The following LARGE1 variants were observed in gnomAD, a reference collection of about 807,000 sequenced individuals.
LARGE1 encodes xylosyl- and glucuronyltransferase LARGE1.
LARGE1 carries 43 observed loss-of-function variants against 87.6 expected under a neutral mutation model. The ratio of observed to expected loss-of-function variants is 0.49; its 90% CI spans 0.38 to 0.63. The LOEUF (loss-of-function observed/expected upper bound fraction) is 0.63. Among genes scored for constraint, LARGE1 ranks in the 30% least tolerant of loss-of-function variants. LARGE1 has a pLI of 0.00. For missense variants in LARGE1, 802 were observed against 1,000.2 expected (o/e 0.80, Z 2.67); for synonymous variants, 434 against 394.6 (o/e 1.10, Z -1.18).
At chr22:33,806,223 T>C (rs533597745) in intron 1 of LARGE1, among the ~76,000 whole-genome samples, 2 of 152,344 alleles carry the variant, frequency 1.3e-5, no homozygotes, top group East Asian at 3.9e-4. Context: ...CTTCTTTCTC[T>C]GCCCTTTGCT....
intron 2 of LARGE1, among the ~76,000 whole-genome samples, chr22:33,719,671 C>T (rs1198730123): frequency 6.6e-6 from 1 of 152,072 alleles, no homozygotes; most frequent in Admixed American, 6.6e-5. Flanking sequence ...CAGGTGCCCA[C>T]CACAACGCCT....
At chr22:33,823,260 C>G (rs895448540) in intron 1 of LARGE1, among the ~76,000 whole-genome samples, 3 of 152,122 alleles carry the variant, frequency 2.0e-5, no homozygotes, top group African/African-American at 4.8e-5. Flanking sequence ...GGCTGTGTGT[C>G]TGTGTGTGTG....
chr22:33,351,383 G>A (rs1353621391), intron 9 of LARGE1, among the ~76,000 whole-genome samples: 8 of 152,184 alleles, frequency 5.3e-5, no homozygotes, highest in African/African-American at 1.9e-4. Flanking sequence ...GGGTTTAAAT[G>A]AATCTGGCAA....
the LARGE1 span, among the ~76,000 whole-genome samples, chr22:33,118,161 G>A: frequency 6.6e-6 from 1 of 152,086 alleles, no homozygotes; most frequent in Non-Finnish European, 1.5e-5. Context: ...TGTTTCTCAG[G>A]AGGAGGCAGT....
At chr22:33,468,570 A>AG (rs2068707724) in intron 6 of LARGE1, among the ~76,000 whole-genome samples, 1 of 152,222 alleles carries the variant, frequency 6.6e-6, no homozygotes, top group Non-Finnish European at 1.5e-5. Context: ...GGCAAAAAGG[A>AG]GGACACAAAA....
intron 3 of LARGE1, among the ~76,000 whole-genome samples, chr22:33,642,367 T>G (rs764480996): frequency 4.3e-4 from 65 of 152,252 alleles, no homozygotes; most frequent in Non-Finnish European, 7.8e-4. Context: ...GCCTGCCTTA[T>G]AAGAGCTTCT....
chr22:33,489,518 G>T (rs113709248), intron 6 of LARGE1, among the ~76,000 whole-genome samples: 3,013 of 152,200 alleles, frequency 0.02, 75 homozygotes, highest in African/African-American at 0.059. Flanking sequence ...CATGGAGGTG[G>T]TTTCCCCCAT....
intron 1 of LARGE1, among the ~76,000 whole-genome samples, chr22:33,837,071 C>T (rs1476267666): frequency 1.3e-5 from 2 of 152,124 alleles, no homozygotes; most frequent in African/African-American, 4.8e-5. Context: ...GTGAGCTTCG[C>T]CTCCAGCTAA....
intron 14 of LARGE1, among the ~76,000 whole-genome samples, chr22:33,275,713 GA>G (rs1231952772): frequency 4.6e-5 from 7 of 151,610 alleles, no homozygotes; most frequent in Admixed American, 3.3e-4. Flanking sequence ...TATTCGCAAA[GA>G]AAAAAAAGAA....
At chr22:33,898,894 G>A (rs1021637802) in intron 1 of LARGE1, among the ~76,000 whole-genome samples, 2 of 152,196 alleles carry the variant, frequency 1.3e-5, no homozygotes, top group Non-Finnish European at 2.9e-5. Flanking sequence ...TCCCTGAGAT[G>A]TTGTTTTCCA....
chr22:33,847,619 C>G (rs532460275), intron 1 of LARGE1, among the ~76,000 whole-genome samples: 34 of 152,292 alleles, frequency 2.2e-4, no homozygotes, highest in African/African-American at 8.2e-4. Flanking sequence ...CCCATTAAAT[C>G]CAGTCCACTT....
the LARGE1 span, among the ~76,000 whole-genome samples, chr22:33,097,516 A>G: frequency 6.6e-6 from 1 of 152,244 alleles, no homozygotes; most frequent in Non-Finnish European, 1.5e-5. Context: ...AGCAGAAGAG[A>G]CAATCAAGTT....
the LARGE1 span, among the ~76,000 whole-genome samples, chr22:33,151,141 T>C: frequency 6.6e-6 from 1 of 152,198 alleles, no homozygotes; most frequent in Non-Finnish European, 1.5e-5. Flanking sequence ...GAGCATTATG[T>C]AGTTTTTAGC....
At position 33,433,569 on chromosome 22, in the gene LARGE1, C is replaced by T. The variant is rs375625241; in HGVS notation, c.788-1304G>A. ...CGAGATCGCACCACTGCACTCCAGTCTGGGTGAGAGAGCAAGACTCCGTCT... is the reference window on the plus strand; with the variant it reads ...CGAGATCGCACCACTGCACTCCAGTTTGGGTGAGAGAGCAAGACTCCGTCT... On this transcript the variant is annotated intron_variant, in intron 6 of 14. Transcript: ENST00000397394. Among the ~76,000 whole-genome samples the T allele has an allele frequency of 1.4e-4, 18 of 124,974 alleles. 1 individual carries two copies. In the South Asian group the frequency reaches 1.6e-3, roughly 11 times the overall value. 82.0% of individuals were successfully genotyped at this position (124,974 alleles called of 152,430 possible). A position where few individuals can be genotyped will look rare whatever the true frequency, so the allele number is the denominator to read the frequency against.
intron 7 of LARGE1, among the ~76,000 whole-genome samples, chr22:33,399,064 C>T (rs2065849729): frequency 6.6e-6 from 1 of 152,134 alleles, no homozygotes; most frequent in South Asian, 2.1e-4. Context: ...GTTTGCTGCA[C>T]CTATCAACCC....
intron 10 of LARGE1, among the ~76,000 whole-genome samples, chr22:33,326,635 G>C (rs918752396): frequency 3.9e-5 from 6 of 152,200 alleles, no homozygotes; most frequent in African/African-American, 1.4e-4. Context: ...ACATGAGGCA[G>C]CCTCATTCCA....
intron 4 of LARGE1, among the ~76,000 whole-genome samples, chr22:33,611,158 G>A (rs916334323): frequency 1.3e-5 from 2 of 152,230 alleles, no homozygotes; most frequent in African/African-American, 4.8e-5. Flanking sequence ...CCCACACAAA[G>A]TCCCCTCTGG....
the LARGE1 span, among the ~76,000 whole-genome samples, chr22:33,107,196 A>T: frequency 2.6e-5 from 4 of 152,398 alleles, no homozygotes; most frequent in South Asian, 8.3e-4. Flanking sequence ...CATTTAAAAA[A>T]CATTTATTAA....
At chr22:33,703,246 G>A (rs1403406672) in intron 2 of LARGE1, among the ~76,000 whole-genome samples, 1 of 151,886 alleles carries the variant, frequency 6.6e-6, no homozygotes, top group Admixed American at 6.6e-5. Flanking sequence ...AATGCATGTG[G>A]GGCTTAAAAC....
Sources: allele counts gnomAD v4.1 joint callset (sites outside exome capture counted in the v4.1 genomes callset), GRCh38; gene constraint gnomAD v4.1.1; transcripts MANE v1.5; gene names NCBI Gene and HGNC (gene_info 2026-07-23, HGNC 2026-07-21).